Variants in TOE1 observed in about 807,000 individuals in gnomAD.
The protein encoded by TOE1 is target of EGR1, exonuclease, also known as target of EGR1 protein 1.
TOE1 carries 50 observed loss-of-function variants against 49.2 expected under a neutral mutation model. That is an observed-to-expected ratio of 1.02 (90% CI 0.81 to 1.29). TOE1 has a LOEUF of 1.29. Ranked by LOEUF, TOE1 falls within the 50% of genes most tolerant of loss-of-function variation. The pLI is 0.00. For synonymous variants in TOE1, 221 were observed against 247.0 expected, an observed-to-expected ratio of 0.89 and a Z score of 0.99; for missense variants, 544 against 654.4, an observed-to-expected ratio of 0.83 and a Z score of 1.84.
At position 45,340,179 on chromosome 1, in the gene TOE1, C is replaced by T. The variant is rs368538538; in HGVS notation, c.-74C>T. 3.7e-6 allele frequency: 6 copies of T among 1,612,038 alleles called. No homozygotes were observed. In the African/African-American group the frequency reaches 4.0e-5, roughly 11 times the overall value. The stretch of plus-strand genomic sequence containing the variant: ...CGAGACCCCGCCCCATCCCCGACTG[C>T]CTGAACCGCGCCAGGAGACGGACCG... On this transcript the variant is annotated 5_prime_UTR_variant, in exon 1 of 8. Coordinates refer to ENST00000372090, the MANE Select transcript of TOE1 (RefSeq NM_025077.4).
rs553074656 is a variant in TOE1, at chr1:45,343,204, G to A, written c.1035G>A (p.Arg345=). Residue 345 remains arginine (R), a synonymous_variant, in exon 8 of 8, where the codon CGG becomes CGA. Coordinates refer to ENST00000372090, the MANE Select transcript of TOE1 (RefSeq NM_025077.4). The surrounding 1 kb of genome is among the most constrained non-coding windows in gnomAD (Gnocchi z 4.3). The part of the protein sequence containing the change: ...KRRRRRRREK[R]KRALLNLPGT... ...GACGGCGACGACGTAGGGAAAAACGGAAGAGGGCTTTATTGAACCTACCGG... is the reference window on the plus strand; with the variant it reads ...GACGGCGACGACGTAGGGAAAAACGAAAGAGGGCTTTATTGAACCTACCGG... 3.7e-5 allele frequency: 60 copies of A among 1,614,022 alleles called. No homozygotes were observed. In the South Asian group the frequency reaches 6.6e-4, roughly 18 times the overall value.
Position 45,341,348 on chromosome 1 carries a change from G to A in TOE1, c.236+5G>A. On this transcript the variant is annotated splice_donor_5th_base_variant and intron_variant, in intron 3 of 7. Coordinates refer to ENST00000372090, the MANE Select transcript of TOE1 (RefSeq NM_025077.4). Reference sequence around the variant, plus strand: ...CAGGAAGAGTTTGCTGAACCAGTAAGTATAAGCCCTTTTCTCTTTAGTGCC... The same window carrying A: ...CAGGAAGAGTTTGCTGAACCAGTAAATATAAGCCCTTTTCTCTTTAGTGCC... 1 of 1,614,190 alleles carries A rather than the reference G, an allele frequency of 6.2e-7. No homozygotes were observed. Among genetic ancestry groups the A allele is most frequent in the Non-Finnish European group, 8.5e-7 (1 of 1,180,046 alleles).
intron 5 of TOE1, 82 bp downstream of exon 5, chr1:45,342,189 G>A: frequency 3.2e-6 from 5 of 1,554,060 alleles, no homozygotes; most frequent in Non-Finnish European, 2.6e-6. Flanking sequence ...TGTCTGGGGA[G>A]AATCTGCTTC....
chr1:45,342,892 C>G lies in TOE1; in HGVS notation c.802C>G (p.Leu268Val), dbSNP rs1231231583. The change falls in exon 7 of 8, where the codon CTG becomes GTG. Residue 268 changes from leucine to valine, a missense_variant. Leu to Val is a conservative substitution (Grantham distance 32). Transcript: ENST00000372090. The stretch of plus-strand genomic sequence containing the variant: ...GGCAGCTGGCAGCCCACACCTTACC[C>G]TGGAGTTCTGCAACTATCCTTCCAG... ...QRAAGSPHLT[L>V]EFCNYPSSMR... is the part of the protein sequence containing the mutation. 3.1e-6 allele frequency: 5 copies of G among 1,614,078 alleles called. No homozygotes were observed. Among genetic ancestry groups the G allele is most frequent in the Non-Finnish European group, 4.2e-6 (5 of 1,180,018 alleles).
rs963318285 is a variant in TOE1, at chr1:45,342,146, C to G, written c.492+39C>G. The G allele has an allele frequency of 2.5e-6, 4 of 1,607,544 alleles. No individual in the cohort carries two copies. In the African/African-American group the frequency reaches 5.3e-5, roughly 21 times the overall value. On this transcript the variant is annotated intron_variant, in intron 5 of 7. Transcript: ENST00000372090. ...CTCCCTAGCCTTGAGTCTGCCCTTT[C>G]TGTGACTTTATTTCTTCCTACCCTA...
At chr1:45,340,676 G>C in intron 1 of TOE1, 1 of 975,344 alleles carries the variant, frequency 1.0e-6, no homozygotes, top group Non-Finnish European at 1.4e-6. Flanking sequence ...TGTTGCTTGT[G>C]GCGCTGGGGC....
chr1:45,341,035 C>G (rs755143871), intron 1 of TOE1, 38 bp from the exon 2 acceptor site: 2 of 1,613,392 alleles, frequency 1.2e-6, no homozygotes, highest in South Asian at 1.1e-5. Flanking sequence ...TGGGCTCTTT[C>G]CTTAAGCATG....
At position 45,343,444 on chromosome 1, in the gene TOE1, C is replaced by T; in HGVS notation, c.1275C>T (p.Ser425=). 1 of 1,614,142 alleles carries T rather than the reference C, an allele frequency of 6.2e-7. No individual in the cohort carries two copies. The highest frequency in any genetic ancestry group is 8.5e-7 in the Non-Finnish European group (1 of 1,180,030). Residue 425 remains serine (S), a synonymous_variant, in exon 8 of 8, where the codon AGC becomes AGT. Coordinates refer to ENST00000372090, the MANE Select transcript of TOE1 (RefSeq NM_025077.4). This position sits in a 1 kb window ranked among gnomAD's most constrained non-coding sequence, Gnocchi z 4.3. ...GAGCTACCTCAGAAGTGCCAGGGAGCCAAGCCAGTCCTAACCCAGTGCCTG... is the reference window on the plus strand; with the variant it reads ...GAGCTACCTCAGAAGTGCCAGGGAGTCAAGCCAGTCCTAACCCAGTGCCTG... ...ADRATSEVPG[S]QASPNPVPGD... is the part of the protein sequence containing the mutation.
Position 45,341,943 on chromosome 1 carries a change from TCCC to T in TOE1, c.334-5_334-3del, listed in dbSNP as rs773011290. 18 of 1,613,562 alleles carry T rather than the reference TCCC, an allele frequency of 1.1e-5. No homozygotes were observed. The East Asian group carries it at 3.1e-4, about 28-fold the overall frequency. On this transcript the variant is annotated splice_polypyrimidine_tract_variant and splice_region_variant and intron_variant, in intron 4 of 7. Transcript: ENST00000372090. ...TCTTGATATAGCAGACTTCTCTTTC[TCCC>T]AGGGTGAACATTCCTATCTGGCTCA...
chr1:45,342,946 T>A lies in TOE1; in HGVS notation c.856T>A (p.Cys286Ser), dbSNP rs1286440335. Residue 286 changes from cysteine (C) to serine (S), a missense_variant, in exon 7 of 8, where the codon TGC becomes AGC. Coordinates refer to ENST00000372090, the MANE Select transcript of TOE1 (RefSeq NM_025077.4). Reference sequence around the variant, plus strand: ...GAGGGACCATATTGATTACCGCTGCTGCCTGCCCCCAGCAACCCACCGTCC... The same window carrying A: ...GAGGGACCATATTGATTACCGCTGCAGCCTGCCCCCAGCAACCCACCGTCC... The part of the protein sequence containing the change: ...SMRDHIDYRC[C>S]LPPATHRPHP... 1 of 1,613,684 alleles carries A rather than the reference T, an allele frequency of 6.2e-7. No individual in the cohort carries two copies. Among genetic ancestry groups the A allele is most frequent in the African/African-American group, 1.3e-5 (1 of 74,782 alleles).
rs1193622400 is a variant in TOE1, at chr1:45,342,960, A to AACCCACCGT, written c.871_879dup (p.Thr291_Arg293dup). 2.5e-6 allele frequency: 4 copies of AACCCACCGT among 1,613,230 alleles called. No homozygotes were observed. The African/African-American group carries it at 5.4e-5, about 22-fold the overall frequency. The stretch of plus-strand genomic sequence containing the variant: ...ATTACCGCTGCTGCCTGCCCCCAGC[A>AACCCACCGT]ACCCACCGTCCTCATCCCACCAGCA... On this transcript the variant is annotated inframe_insertion, in exon 7 of 8. Coordinates refer to ENST00000372090, the MANE Select transcript of TOE1 (RefSeq NM_025077.4).
At chr1:45,342,184 G>A (rs984558661) in intron 5 of TOE1, 77 bp downstream of exon 5, 41 of 1,560,590 alleles carry the variant, frequency 2.6e-5, no homozygotes, top group Middle Eastern at 4.5e-4. Context: ...CTGGATGTCT[G>A]GGGAGAATCT....
At chr1:45,342,262 G>T in intron 5 of TOE1, 122 bp from the exon 6 acceptor site, 1 of 1,499,100 alleles carries the variant, frequency 6.7e-7, no homozygotes, top group Non-Finnish European at 9.1e-7. Flanking sequence ...TGAGGAGGGT[G>T]GGCAGCATTG....
chr1:45,342,292 G>C, intron 5 of TOE1, 92 bp from the exon 6 acceptor site: 1 of 1,550,258 alleles, frequency 6.5e-7, no homozygotes, highest in Non-Finnish European at 8.7e-7. Flanking sequence ...GAGAGAGAGC[G>C]TTCCAAGTGG....
In TOE1 at chr1:45,341,233, A is replaced by C; in HGVS notation, c.195+18A>C. 6.2e-7 allele frequency: 1 copy of C among 1,614,102 alleles called. No homozygotes were observed. Among genetic ancestry groups the C allele is most frequent in the South Asian group, 1.1e-5 (1 of 91,088 alleles). ...TGGACACGGTGAGAGTTGGGAAACA[A>C]GGAGGGCAGGTGGTTGTGAAGGGGC... On this transcript the variant is annotated intron_variant, in intron 2 of 7. Transcript: ENST00000372090.
chr1:45,341,686 GT>G (rs35345162), intron 4 of TOE1, 117 bp downstream of exon 4: 224,833 of 745,866 alleles, frequency 0.3, 14,547 homozygotes, highest in African/African-American at 0.54. Context: ...TGACTTGATA[GT>G]TTTTTTTTTT....
Position 45,343,395 on chromosome 1 carries a change from C to T in TOE1, c.1226C>T (p.Ala409Val). 1.2e-6 allele frequency: 2 copies of T among 1,614,080 alleles called. No homozygotes were observed. Among genetic ancestry groups the T allele is most frequent in the Non-Finnish European group, 1.7e-6 (2 of 1,180,014 alleles). Reference protein sequence around the residue: ...NKNDLEMGIKAARPEIADRAT... With the variant: ...NKNDLEMGIKVARPEIADRAT... Reference sequence around the variant, plus strand: ...AATGACTTAGAGATGGGGATTAAGGCAGCAAGGCCTGAAATAGCTGATAGA... The same window carrying T: ...AATGACTTAGAGATGGGGATTAAGGTAGCAAGGCCTGAAATAGCTGATAGA... Residue 409 changes from alanine (A) to valine (V), a missense_variant, in exon 8 of 8, where the codon GCA (alanine) becomes GTA (valine). Physicochemically the swap from Ala to Val is moderately conservative, Grantham distance 64 (BLOSUM62 0). Transcript: ENST00000372090. This position sits in a 1 kb window ranked among gnomAD's most constrained non-coding sequence, Gnocchi z 4.3.
At position 45,341,992 on chromosome 1, in the gene TOE1, T is replaced by C. The variant is rs764245073; in HGVS notation, c.377T>C (p.Leu126Pro). 1 of 1,614,118 alleles carries C rather than the reference T, an allele frequency of 6.2e-7. No individual in the cohort carries two copies. Among genetic ancestry groups the C allele is most frequent in the Non-Finnish European group, 8.5e-7 (1 of 1,179,978 alleles). The change falls in exon 5 of 8, where the codon CTG becomes CCG. Residue 126 changes from leucine to proline, a missense_variant. Transcript: ENST00000372090. ...YLAQVFNLTLLCMEEYVIEPK... is the reference protein window; with the variant it reads ...YLAQVFNLTLPCMEEYVIEPK... ...GCTCAAGTGTTCAATCTCACTCTGC[T>C]GTGCATGGAGGAGTATGTCATAGAA...
At chr1:45,341,889 T>C (rs1647009658) in intron 4 of TOE1, 60 bp from the exon 5 acceptor site, 4 of 1,569,062 alleles carry the variant, frequency 2.5e-6, no homozygotes, top group Non-Finnish European at 3.5e-6. Context: ...TCTTAAGCTT[T>C]TGCATCCTCC....
Sources: allele counts gnomAD v4.1 joint callset, GRCh38; gene constraint gnomAD v4.1.1; non-coding constraint Gnocchi (gnomAD v3.1); transcripts MANE v1.5; gene names NCBI Gene and HGNC (gene_info 2026-07-23, HGNC 2026-07-21).